The following C2CD5 variants were observed in gnomAD, a reference collection of about 807,000 sequenced individuals.
C2CD5 encodes C2 domain-containing protein 5.
A neutral mutation model predicts 130.3 loss-of-function variants in C2CD5; 109 were observed. The observed-to-expected ratio is 0.84, with a 90% CI of 0.72 to 0.98. C2CD5 has a LOEUF of 0.98. Ranked by LOEUF, C2CD5 falls within the 50% of genes least tolerant of loss-of-function variation. The pLI is 0.00. For synonymous variants in C2CD5, 454 were observed against 429.2 expected (o/e 1.06, Z -0.71); for missense variants, 996 against 1,261.8 (o/e 0.79, Z 3.19).
At chr12:22,516,458 A>G (rs943660274) in intron 8 of C2CD5, among the ~76,000 whole-genome samples, 3 of 151,628 alleles carry the variant, frequency 2.0e-5, no homozygotes. Context: ...TTGAGAATAA[A>G]TTTTTTTAAA....
intron 22 of C2CD5, chr12:22,463,277 G>A (rs1941510163): frequency 6.6e-6 from 1 of 152,140 alleles, no homozygotes; most frequent in Non-Finnish European, 1.5e-5. Flanking sequence ...TGCAACCCCA[G>A]CTACTTGGGA....
intron 11 of C2CD5, among the ~76,000 whole-genome samples, chr12:22,491,290 AGTCTACATCCTG>A (rs1946318164): frequency 6.6e-6 from 1 of 152,168 alleles, no homozygotes; most frequent in Non-Finnish European, 1.5e-5. Context: ...AGCCATCCTG[AGTCTACATCCTG>A]TGGCCTTCTT....
intron 24 of C2CD5, among the ~76,000 whole-genome samples, 167 bp from the exon 25 acceptor site, chr12:22,457,328 C>T (rs938816491): frequency 2.0e-5 from 3 of 151,946 alleles, no homozygotes; most frequent in African/African-American, 7.3e-5. Context: ...AAAAGAGAGA[C>T]AGAAAAACAT....
Position 22,478,315 on chromosome 12 carries a change from G to T in C2CD5, c.1900C>A (p.Pro634Thr). 1.1e-5 allele frequency: 17 copies of T among 1,607,836 alleles called. No individual in the cohort carries two copies. The highest frequency in any genetic ancestry group is 1.4e-5 in the Non-Finnish European group (17 of 1,174,604). ...KNKELYEINP[P>T]EISEEIIGSP... ...CAATGTAGGTTTGTTTTACTTACTGGAGGATTGATTTCATATAACTCTTTG... is the reference window on the plus strand; with the variant it reads ...CAATGTAGGTTTGTTTTACTTACTGTAGGATTGATTTCATATAACTCTTTG... The change falls in exon 15 of 27, where the codon CCA (proline) becomes ACA (threonine). Residue 634 changes from proline to threonine, a missense_variant and splice_region_variant. By Grantham distance (38) the Pro-to-Thr change is conservative. This residue lies in a region of C2CD5 where 590 missense variants were observed against 631.4 expected (regional missense o/e 0.93). Coordinates refer to ENST00000446597, the MANE Select transcript of C2CD5 (RefSeq NM_001286176.2).
chr12:22,475,001 T>C (rs999469158), intron 15 of C2CD5, 110 bp from the exon 16 acceptor site: 5 of 649,126 alleles, frequency 7.7e-6, no homozygotes, highest in African/African-American at 1.9e-5. Flanking sequence ...CTGTAAAATA[T>C]ACTCAGTGAA....
intron 13 of C2CD5, among the ~76,000 whole-genome samples, chr12:22,482,957 G>T (rs917251911): frequency 9.2e-5 from 14 of 152,104 alleles, no homozygotes; most frequent in African/African-American, 2.4e-5. Flanking sequence ...TAGGAAGAAT[G>T]AATAAGACCT....
chr12:22,479,197 C>T (rs1298319816), intron 14 of C2CD5, among the ~76,000 whole-genome samples: 1 of 151,930 alleles, frequency 6.6e-6, no homozygotes, highest in Non-Finnish European at 1.5e-5. Context: ...CCTCAGCCTC[C>T]TGAGTAGCTA....
intron 8 of C2CD5, chr12:22,515,219 G>A: frequency 1.6e-6 from 1 of 629,922 alleles, no homozygotes; most frequent in Non-Finnish European, 2.0e-6. Context: ...GCTAAGGAAA[G>A]CAATGATGAG....
At chr12:22,519,331 G>C in intron 7 of C2CD5, 4 of 1,128,622 alleles carry the variant, frequency 3.5e-6, no homozygotes, top group Admixed American at 2.8e-5. Flanking sequence ...AGGAGCTTTA[G>C]TCAGGGAAGA....
intron 3 of C2CD5, among the ~76,000 whole-genome samples, chr12:22,531,823 G>A (rs1017651562): frequency 6.6e-6 from 1 of 152,160 alleles, no homozygotes; most frequent in Non-Finnish European, 1.5e-5. Flanking sequence ...TAAATGCTGA[G>A]TCTACAGACG....
chr12:22,524,440 C>T, intron 6 of C2CD5, 32 bp downstream of exon 6: 1 of 1,593,614 alleles, frequency 6.3e-7, no homozygotes, highest in Non-Finnish European at 8.6e-7. Flanking sequence ...AGTACTAAAT[C>T]AGTCAGTAAT....
Position 22,500,251 on chromosome 12 carries a change from GA to G in C2CD5, c.1147+6459del, listed in dbSNP as rs368222026. Reference sequence around the variant, plus strand: ...CAGCAAAGCAGGAGAAAAGGAGACAGAAAAAAAAAAAAAGCTAAACTAACCA... The same window carrying G: ...CAGCAAAGCAGGAGAAAAGGAGACAGAAAAAAAAAAAAGCTAAACTAACCA... On this transcript the variant is annotated intron_variant, in intron 10 of 26. Transcript: ENST00000446597. Among the ~76,000 whole-genome samples the G allele has an allele frequency of 8.2e-3, 1,074 of 131,322 alleles. 4 individuals carry two copies. Among genetic ancestry groups the G allele is most frequent in the Non-Finnish European group, 0.01 (613 of 60,398 alleles). The allele number at this position is 131,322 out of a possible 152,430, so 86.2% of individuals were successfully genotyped here.
chr12:22,523,495 G>A lies in C2CD5; in HGVS notation c.731C>T (p.Thr244Ile). The stretch of plus-strand genomic sequence containing the variant: ...TGCTGGGCTACTTAATTTATCCAGA[G>A]TACACGCCGTTCCTATGGCTCGCAC... ...LVVRAIGTAC[T>I]LDKLSSPAAF... The change falls in exon 7 of 27, where the codon ACT (threonine) becomes ATT (isoleucine). Residue 244 changes from threonine (T) to isoleucine (I), a missense_variant. Coordinates refer to ENST00000446597, the MANE Select transcript of C2CD5 (RefSeq NM_001286176.2). The A allele has an allele frequency of 6.2e-7, 1 of 1,614,042 alleles. No homozygotes were observed. The highest frequency in any genetic ancestry group is 8.5e-7 in the Non-Finnish European group (1 of 1,179,988).
At chr12:22,477,069 A>G (rs192066470) in intron 15 of C2CD5, among the ~76,000 whole-genome samples, 2 of 152,286 alleles carry the variant, frequency 1.3e-5, no homozygotes, top group East Asian at 3.9e-4. Context: ...ATTGTTCAAT[A>G]GAAATATAAA....
intron 2 of C2CD5, among the ~76,000 whole-genome samples, chr12:22,538,777 G>A (rs967378294): frequency 6.6e-6 from 1 of 152,028 alleles, no homozygotes; most frequent in African/African-American, 2.4e-5. Flanking sequence ...GTTTGTCCTA[G>A]TCACCTGAAA....
Position 22,449,624 on chromosome 12 carries a change from A to T in C2CD5, c.*136T>A. ...TAGAAAATTCTCATGCCTCCAAAAG[A>T]CTCCAGGCAAATCAAATCTACTCAA... On this transcript the variant is annotated 3_prime_UTR_variant, in exon 27 of 27. Coordinates refer to ENST00000446597, the MANE Select transcript of C2CD5 (RefSeq NM_001286176.2). 1 of 767,904 alleles carries T rather than the reference A, an allele frequency of 1.3e-6. No homozygotes were observed. The highest frequency in any genetic ancestry group is 2.0e-6 in the Non-Finnish European group (1 of 491,626). The allele number at this position is 767,904 out of a possible 1,614,324, so 47.6% of individuals were successfully genotyped here.
Position 22,523,519 on chromosome 12 carries a change from A to G in C2CD5, c.707T>C (p.Val236Ala). 6.2e-7 allele frequency: 1 copy of G among 1,613,924 alleles called. No homozygotes were observed. The change falls in exon 7 of 27, where the codon GTG becomes GCG. Residue 236 changes from valine (V) to alanine (A), a missense_variant. Val to Ala is a moderately conservative substitution (Grantham distance 64). Around this residue, in one of 9 missense-constraint regions of C2CD5, gnomAD observed 26 missense variants for 56.6 expected, o/e 0.46. Transcript: ENST00000446597. ...AGTACACGCCGTTCCTATGGCTCGC[A>G]CCACTAACCCAGACTCGCCCTCCAG... is the stretch of plus-strand genomic sequence containing the variant. ...FDLEGESGLV[V>A]RAIGTACTLD... is the part of the protein sequence containing the mutation.
chr12:22,532,632 C>T (rs1951406256), intron 3 of C2CD5, among the ~76,000 whole-genome samples: 1 of 152,156 alleles, frequency 6.6e-6, no homozygotes, highest in Non-Finnish European at 1.5e-5. Context: ...GATCACGGTC[C>T]TAATATAAAC....
intron 3 of C2CD5, among the ~76,000 whole-genome samples, chr12:22,530,708 C>T (rs960647489): frequency 6.6e-5 from 10 of 152,002 alleles, no homozygotes; most frequent in Non-Finnish European, 1.2e-4. Flanking sequence ...TCGCCTGCCT[C>T]GGCTTCCCAA....
Sources: allele counts gnomAD v4.1 joint callset (sites outside exome capture counted in the v4.1 genomes callset), GRCh38; gene constraint gnomAD v4.1.1; regional missense constraint gnomAD v4.1.1; transcripts MANE v1.5; gene names NCBI Gene and HGNC (gene_info 2026-07-23, HGNC 2026-07-21).